CEP295: variants seen among roughly 807,000 people sequenced by gnomAD.
The protein encoded by CEP295 is centrosomal protein 295.
CEP295 carries 190 observed loss-of-function variants against 291.6 expected under a neutral mutation model. The observed-to-expected ratio is 0.65, with a 90% CI of 0.58 to 0.73. CEP295 has a LOEUF of 0.73. Ranked by LOEUF, CEP295 falls within the 30% of genes least tolerant of loss-of-function variation. CEP295 has a pLI of 0.00. For synonymous variants in CEP295, 993 were observed against 1,038.8 expected, an observed-to-expected ratio of 0.96 and a Z score of 0.85; for missense variants, 2,863 against 2,949.4, an observed-to-expected ratio of 0.97 and a Z score of 0.68.
At chr11:93,687,212 T>C (rs1156317970) in intron 9 of CEP295, among the ~76,000 whole-genome samples, 4 of 152,238 alleles carry the variant, frequency 2.6e-5, no homozygotes, top group Admixed American at 6.5e-5. Flanking sequence ...TTTTCCTCTG[T>C]AGCTCACTAA....
intron 7 of CEP295, 79 bp downstream of exon 7, chr11:93,679,631 A>C: frequency 1.2e-5 from 15 of 1,232,490 alleles, no homozygotes; most frequent in Non-Finnish European, 1.7e-5. Flanking sequence ...GAATGAGCTC[A>C]AAGAAAGGTA....
rs144165746 is a variant in CEP295 at position 93,724,359 on chromosome 11, A to G, written c.6302A>G (p.Asn2101Ser). The G allele has an allele frequency of 2.3e-4, 359 of 1,550,250 alleles. No homozygotes were observed. In the East Asian group the frequency reaches 3.5e-3, roughly 15 times the overall value. ...TCATCCTCTGGGATTTCTCCAGACA[A>G]CAGAGACTTTTACCAGGTATATTAA... is the stretch of plus-strand genomic sequence containing the variant. Reference protein sequence around the residue: ...SSSSSGISPDNRDFYQRSDSS... With the variant: ...SSSSSGISPDSRDFYQRSDSS... The change falls in exon 22 of 30, where the codon AAC becomes AGC. Residue 2101 changes from asparagine to serine, a missense_variant. Transcript: ENST00000325212.
At position 93,725,634 on chromosome 11, in the gene CEP295, CTT is replaced by C; in HGVS notation, c.6319-14_6319-13del. ...ACCTAATCAGTATTTCAGCCTTTCC[CTT>C]TTGTTTCCTGCCAGAGATCAGATTC... On this transcript the variant is annotated splice_polypyrimidine_tract_variant and intron_variant, in intron 22 of 29. Coordinates refer to ENST00000325212, the MANE Select transcript of CEP295 (RefSeq NM_033395.2). 6.5e-7 allele frequency: 1 copy of C among 1,528,336 alleles called. No individual in the cohort carries two copies. The highest frequency in any genetic ancestry group is 1.3e-5 in the South Asian group (1 of 79,818). 94.7% of individuals were successfully genotyped at this position (1,528,336 alleles called of 1,614,324 possible).
chr11:93,683,875 G>T, intron 8 of CEP295, 89 bp from the exon 9 acceptor site: 1 of 1,447,820 alleles, frequency 6.9e-7, no homozygotes, highest in South Asian at 1.3e-5. Context: ...ATTTTAGATT[G>T]AGACATTACC....
At chr11:93,673,893 A>G (rs1431154829) in intron 5 of CEP295, among the ~76,000 whole-genome samples, 1 of 151,854 alleles carries the variant, frequency 6.6e-6, no homozygotes, top group Admixed American at 6.6e-5. Context: ...AAAACTACTC[A>G]GATAATTCTG....
At position 93,706,730 on chromosome 11, in the gene CEP295, T is replaced by C. The variant is rs757612305; in HGVS notation, c.5597-15T>C. On this transcript the variant is annotated splice_polypyrimidine_tract_variant and intron_variant, in intron 17 of 29. Coordinates refer to ENST00000325212, the MANE Select transcript of CEP295 (RefSeq NM_033395.2). ...AGTTCCAGAAATTGAAGTGGAAATA[T>C]TTTTTCCCCCCCAGGTAAACCAGGT... The C allele has an allele frequency of 6.7e-6, 10 of 1,499,286 alleles. No individual in the cohort carries two copies. The highest frequency in any genetic ancestry group is 8.9e-6 in the Non-Finnish European group (10 of 1,122,178). 92.9% of individuals were successfully genotyped at this position (1,499,286 alleles called of 1,614,324 possible).
chr11:93,708,990 G>T (rs547321973), intron 18 of CEP295, among the ~76,000 whole-genome samples: 8 of 152,138 alleles, frequency 5.3e-5, no homozygotes, highest in East Asian at 3.9e-4. Context: ...TTTTAATCAG[G>T]TAATTAGATT....
In CEP295 at chr11:93,727,140, A is replaced by G. The variant is rs1162123890; in HGVS notation, c.6664A>G (p.Lys2222Glu). Residue 2222 changes from lysine (K) to glutamate (E), a missense_variant, in exon 24 of 30, where the codon AAG (lysine) becomes GAG (glutamate). Physicochemically the swap from Lys to Glu is moderately conservative, Grantham distance 56 (BLOSUM62 1). Around this residue, in one of 3 missense-constraint regions of CEP295, gnomAD observed 2,295 missense variants for 2,335.7 expected, o/e 0.98. Transcript: ENST00000325212. The part of the protein sequence containing the change: ...SEEHTEILQN[K>E]KKIVHFQLSI... ...AGAACATACTGAAATATTACAAAAC[A>G]AGAAAAAAATTGTTCATTTCCAGCT... 6.4e-7 allele frequency: 1 copy of G among 1,550,892 alleles called. No individual in the cohort carries two copies. The highest frequency in any genetic ancestry group is 2.0e-5 in the Admixed American group (1 of 50,820).
chr11:93,697,383 C>CTA lies in CEP295; in HGVS notation c.2474_2475dup (p.Ile826Ter), dbSNP rs974313411. ...AAAAGTACAGTTTCCACAAGCCATT[C>CTA]TATAATCAGCCAAATGCATGATAGG... On this transcript the variant is annotated frameshift_variant, in exon 15 of 30. Transcript: ENST00000325212. LOFTEE classifies it high-confidence loss of function. 6.4e-7 allele frequency: 1 copy of CTA among 1,552,008 alleles called. No homozygotes were observed. The highest frequency in any genetic ancestry group is 1.4e-5 in the African/African-American group (1 of 73,032).
chr11:93,728,097 C>T (rs1026189994), intron 24 of CEP295: 2 of 156,738 alleles, frequency 1.3e-5, no homozygotes, highest in Admixed American at 6.4e-5. Context: ...GAAACCTGCT[C>T]CTCATATTAA....
At chr11:93,688,952 C>T (rs1414405960) in intron 10 of CEP295, among the ~76,000 whole-genome samples, 1 of 152,154 alleles carries the variant, frequency 6.6e-6, no homozygotes, top group African/African-American at 2.4e-5. Context: ...TGTTAATTCC[C>T]TTGCTCAAGC....
In CEP295 at chr11:93,729,644, G is replaced by A; in HGVS notation, c.7430G>A (p.Gly2477Glu). The change falls in exon 27 of 30, where the codon GGG (glycine) becomes GAG (glutamate). Residue 2477 changes from glycine (G) to glutamate (E), a missense_variant. Physicochemically the swap from Gly to Glu is moderately conservative, Grantham distance 98. Transcript: ENST00000325212. The stretch of plus-strand genomic sequence containing the variant: ...CCTCGCAGGCTTACACCTGTACCAG[G>A]GAGCTTACAAGAAGCATTTATAAAG... ...ETPRRLTPVP[G>E]SLQEAFIKRK... The A allele has an allele frequency of 4.5e-6, 7 of 1,550,594 alleles. No individual in the cohort carries two copies. The highest frequency in any genetic ancestry group is 6.1e-6 in the Non-Finnish European group (7 of 1,146,748).
intron 7 of CEP295, among the ~76,000 whole-genome samples, chr11:93,682,335 C>T (rs1020803191): frequency 3.3e-5 from 5 of 151,988 alleles, no homozygotes; most frequent in African/African-American, 9.7e-5. Flanking sequence ...GCAATTCTCC[C>T]GCCCCAGCCT....
chr11:93,703,162 C>G (rs1334923613), intron 17 of CEP295, among the ~76,000 whole-genome samples: 1 of 152,090 alleles, frequency 6.6e-6, no homozygotes, highest in Non-Finnish European at 1.5e-5. Context: ...CAGGGTTTCA[C>G]CATATTGGCC....
At chr11:93,713,230 T>G (rs1195986034) in intron 18 of CEP295, among the ~76,000 whole-genome samples, 2 of 152,228 alleles carry the variant, frequency 1.3e-5, no homozygotes, top group African/African-American at 4.8e-5. Context: ...TATGAGTAGT[T>G]TACACAAAAC....
At chr11:93,713,293 G>T (rs951925024) in intron 18 of CEP295, among the ~76,000 whole-genome samples, 1 of 152,114 alleles carries the variant, frequency 6.6e-6, no homozygotes, top group African/African-American at 2.4e-5. Context: ...TATTACCAGT[G>T]ATTTTTGTAC....
intron 23 of CEP295, 144 bp downstream of exon 23, chr11:93,725,975 G>C: frequency 1.6e-6 from 1 of 635,046 alleles, no homozygotes; most frequent in East Asian, 2.8e-5. Context: ...TTAAATTACA[G>C]AAGTAATACA....
chr11:93,667,004 A>G (rs1428389289), intron 2 of CEP295, among the ~76,000 whole-genome samples, 189 bp downstream of exon 2: 5 of 152,234 alleles, frequency 3.3e-5, no homozygotes, highest in Non-Finnish European at 7.3e-5. Context: ...ACATTGTAGA[A>G]GAGTTGGAAG....
intron 18 of CEP295, among the ~76,000 whole-genome samples, chr11:93,707,282 ATAAT>A (rs1457587377): frequency 1.3e-5 from 2 of 152,206 alleles, no homozygotes; most frequent in African/African-American, 2.4e-5. Flanking sequence ...AAAAATAAAG[ATAAT>A]TAGAAGGAAA....
Sources: gnomAD v4.1 joint callset for allele counts (sites outside exome capture counted in the v4.1 genomes callset) on GRCh38, gnomAD v4.1.1 for gene constraint, gnomAD v4.1.1 regional missense constraint, MANE v1.5 for transcripts, NCBI Gene and HGNC (gene_info 2026-07-23, HGNC 2026-07-21) for gene names.